DDX18: variants seen among roughly 807,000 people sequenced by gnomAD.
The protein encoded by DDX18 is ATP-dependent RNA helicase DDX18.
Under a neutral mutation model 73.5 loss-of-function variants are expected in DDX18, and 23 were observed. The observed-to-expected ratio is 0.31, with a 90% CI of 0.23 to 0.44. The LOEUF (loss-of-function observed/expected upper bound fraction) is 0.44, where lower values mean the gene tolerates loss of function less well. Among genes scored for constraint, DDX18 ranks in the 20% least tolerant of loss-of-function variants. DDX18 has a pLI of 1.00. For missense variants in DDX18, 753 were observed against 792.9 expected, an observed-to-expected ratio of 0.95 and a Z score of 0.60; for synonymous variants, 268 against 282.7, an observed-to-expected ratio of 0.95 and a Z score of 0.52.
chr2:117,828,941 A>C lies in DDX18; in HGVS notation c.1636-8A>C. ...TGGTTTACTAATCTTAATACTTTTG[A>C]TTTCTAGGTTCCATTAAGTGAATTT... On this transcript the variant is annotated splice_region_variant and splice_polypyrimidine_tract_variant and intron_variant, in intron 11 of 13. Transcript: ENST00000263239. 1 of 1,589,392 alleles carries C rather than the reference A, an allele frequency of 6.3e-7. No homozygotes were observed. The highest frequency in any genetic ancestry group is 1.7e-4 in the Middle Eastern group (1 of 6,018).
chr2:117,830,782 T>C lies in DDX18; in HGVS notation c.*58T>C. 4 of 1,591,892 alleles carry C rather than the reference T, an allele frequency of 2.5e-6. No homozygotes were observed. The highest frequency in any genetic ancestry group is 3.4e-6 in the Non-Finnish European group (4 of 1,172,018). ...GTCCTAAAATGAATTTTTTTTCCCCTTGATTTAACAGGATTTTTGTAGACT... is the reference window on the plus strand; with the variant it reads ...GTCCTAAAATGAATTTTTTTTCCCCCTGATTTAACAGGATTTTTGTAGACT... On this transcript the variant is annotated 3_prime_UTR_variant, in exon 14 of 14. Coordinates refer to ENST00000263239, the MANE Select transcript of DDX18 (RefSeq NM_006773.4).
At chr2:117,825,225 A>G (rs1679905042) in intron 9 of DDX18, 124 bp downstream of exon 9, 37 of 1,331,718 alleles carry the variant, frequency 2.8e-5, no homozygotes, top group Non-Finnish European at 3.4e-5. Context: ...CCACTAGATG[A>G]TGGATCCTGT....
chr2:117,822,515 C>T, intron 7 of DDX18: 1 of 369,398 alleles, frequency 2.7e-6, no homozygotes, highest in Non-Finnish European at 5.1e-6. Flanking sequence ...ACCTCTTGCC[C>T]ATTCTTACCT....
At chr2:117,818,518 A>G (rs969042176) in intron 2 of DDX18, among the ~76,000 whole-genome samples, 2 of 152,212 alleles carry the variant, frequency 1.3e-5, no homozygotes, top group South Asian at 2.1e-4. Context: ...AACATGCATT[A>G]CTGTCTTCAT....
intron 2 of DDX18, among the ~76,000 whole-genome samples, chr2:117,818,755 C>T (rs1679799805): frequency 6.6e-6 from 1 of 152,138 alleles, no homozygotes; most frequent in African/African-American, 2.4e-5. Context: ...CTCCTGGGCT[C>T]AAGTGATCCT....
chr2:117,826,178 G>A (rs1476056171), intron 10 of DDX18, 91 bp from the exon 11 acceptor site: 3 of 1,043,948 alleles, frequency 2.9e-6, no homozygotes, highest in Admixed American at 2.1e-5. Flanking sequence ...CACCATCTCA[G>A]TACAGACATG....
In DDX18 at chr2:117,824,552, A is replaced by T; in HGVS notation, c.1067-17A>T. On this transcript the variant is annotated splice_polypyrimidine_tract_variant and intron_variant, in intron 7 of 13. Transcript: ENST00000263239. The stretch of plus-strand genomic sequence containing the variant: ...TCCCTAAAAGATTGGGGTTATTTTT[A>T]TATGTATCTGTTTCAGCACGTAGAC... The T allele has an allele frequency of 1.5e-6, 2 of 1,357,398 alleles. No homozygotes were observed. Among genetic ancestry groups the T allele is most frequent in the South Asian group, 2.4e-5 (1 of 41,462 alleles). 84.1% of individuals were successfully genotyped at this position (1,357,398 alleles called of 1,614,324 possible).
chr2:117,831,334 G>C lies in DDX18; in HGVS notation c.*610G>C, dbSNP rs1680021205. On this transcript the variant is annotated 3_prime_UTR_variant, in exon 14 of 14. Transcript: ENST00000263239. Reference sequence around the variant, plus strand: ...TTAAAGCAACAGGCCTTTCTCAGGTGTTGCATTTTTTGGAGCAAAAACTAT... The same window carrying C: ...TTAAAGCAACAGGCCTTTCTCAGGTCTTGCATTTTTTGGAGCAAAAACTAT... 6.6e-6 allele frequency: 1 copy of C among 152,200 alleles called. No homozygotes were observed. The highest frequency in any genetic ancestry group is 2.4e-5 in the African/African-American group (1 of 41,442). 9.4% of individuals were successfully genotyped at this position (152,200 alleles called of 1,614,324 possible).
chr2:117,829,150 C>A, intron 12 of DDX18, 139 bp from the exon 13 acceptor site: 2 of 1,141,426 alleles, frequency 1.8e-6, no homozygotes, highest in Non-Finnish European at 1.2e-6. Flanking sequence ...AGGTTTCTTG[C>A]TATTCTAGTT....
In DDX18 at chr2:117,830,813, A is replaced by G; in HGVS notation, c.*89A>G. The G allele has an allele frequency of 6.6e-7, 1 of 1,517,402 alleles. No homozygotes were observed. The highest frequency in any genetic ancestry group is 9.0e-7 in the Non-Finnish European group (1 of 1,109,858). 94.0% of individuals were successfully genotyped at this position (1,517,402 alleles called of 1,614,324 possible). A position where few individuals can be genotyped will look rare whatever the true frequency, so the allele number is the denominator to read the frequency against. Reference sequence around the variant, plus strand: ...TAACAGGATTTTTGTAGACTTTAGAATTTGGACTTACCTAACAAGAGTATA... The same window carrying G: ...TAACAGGATTTTTGTAGACTTTAGAGTTTGGACTTACCTAACAAGAGTATA... On this transcript the variant is annotated 3_prime_UTR_variant, in exon 14 of 14. Coordinates refer to ENST00000263239, the MANE Select transcript of DDX18 (RefSeq NM_006773.4).
intron 11 of DDX18, chr2:117,828,067 CTGATGGCCAGTGA>C (rs1302525993): frequency 6.6e-6 from 1 of 152,186 alleles, no homozygotes; most frequent in African/African-American, 2.4e-5. Context: ...TTGGATTTCT[CTGATGGCCAGTGA>C]TGATGAGCAT....
rs1000632763 is a variant in DDX18 at position 117,814,725 on chromosome 2, G to C, written c.-53G>C. 6.3e-7 allele frequency: 1 copy of C among 1,581,720 alleles called. No individual in the cohort carries two copies. Among genetic ancestry groups the C allele is most frequent in the Non-Finnish European group, 8.7e-7 (1 of 1,152,924 alleles). ...CGGAAGGGAAGTAACGTCAGCCTGA[G>C]AACTGAGTAGCTGTACTGTGTGGCG... On this transcript the variant is annotated 5_prime_UTR_variant, in exon 1 of 14. Transcript: ENST00000263239.
At position 117,814,718 on chromosome 2, in the gene DDX18, A is replaced by G. The variant is rs1389144101; in HGVS notation, c.-60A>G. The G allele has an allele frequency of 1.0e-5, 16 of 1,545,314 alleles. No individual in the cohort carries two copies. The highest frequency in any genetic ancestry group is 2.3e-5 in the East Asian group (1 of 42,832). ...GTGCGGCCGGAAGGGAAGTAACGTC[A>G]GCCTGAGAACTGAGTAGCTGTACTG... On this transcript the variant is annotated 5_prime_UTR_variant, in exon 1 of 14. Transcript: ENST00000263239.
chr2:117,828,763 C>T (rs1679974271), intron 11 of DDX18, 186 bp from the exon 12 acceptor site: 3 of 570,974 alleles, frequency 5.3e-6, no homozygotes, highest in South Asian at 2.2e-5. Context: ...GAAAGAAGTG[C>T]AGATTGCCTA....
Position 117,814,745 on chromosome 2 carries a change from G to A in DDX18, c.-33G>A, listed in dbSNP as rs150506625. ...CCTGAGAACTGAGTAGCTGTACTGT[G>A]TGGCGCCTTATTCTAGGCACTTGTT... is the stretch of plus-strand genomic sequence containing the variant. On this transcript the variant is annotated 5_prime_UTR_variant, in exon 1 of 14. It adds an upstream start codon to the 5' untranslated region. Transcript: ENST00000263239. 129 of 1,610,096 alleles carry A rather than the reference G, an allele frequency of 8.0e-5. No individual in the cohort carries two copies. In the African/African-American group the frequency reaches 1.4e-3, roughly 17 times the overall value.
chr2:117,821,743 C>T lies in DDX18; in HGVS notation c.744C>T (p.Pro248=). ...VELIVKLRFM[P]RNGTGVLILS... is the part of the protein sequence containing the mutation. ...TCATTGTTAAGTTAAGGTTCATGCC[C>T]AGGAATGGTAAGCGTTCATCTGCTT... The change falls in exon 5 of 14, where the codon CCC becomes CCT. Residue 248 remains proline (P), a synonymous_variant. Coordinates refer to ENST00000263239, the MANE Select transcript of DDX18 (RefSeq NM_006773.4). The T allele has an allele frequency of 6.2e-7, 1 of 1,613,952 alleles. No homozygotes were observed. Among genetic ancestry groups the T allele is most frequent in the Non-Finnish European group, 8.5e-7 (1 of 1,179,922 alleles).
chr2:117,822,114 C>T, intron 6 of DDX18, 33 bp from the exon 7 acceptor site: 1 of 1,613,596 alleles, frequency 6.2e-7, no homozygotes, highest in Non-Finnish European at 8.5e-7. Context: ...AAACTGACAA[C>T]TAATGGTTGT....
intron 11 of DDX18, 85 bp downstream of exon 11, chr2:117,826,467 G>C: frequency 7.8e-7 from 1 of 1,274,724 alleles, no homozygotes; most frequent in Middle Eastern, 1.8e-4. Context: ...GAGGAGTCTC[G>C]AGTCTGGCCA....
In DDX18 at chr2:117,830,624, G is replaced by T. The variant is rs1209342589; in HGVS notation, c.1913G>T (p.Gly638Val). The change falls in exon 14 of 14, where the codon GGT becomes GTT. Residue 638 changes from glycine to valine, a missense_variant. Gly to Val is a moderately radical substitution (Grantham distance 109). Coordinates refer to ENST00000263239, the MANE Select transcript of DDX18 (RefSeq NM_006773.4). ...NEGKQKKRGG[G>V]GGFGYQKTKK... ...GGCAAGCAGAAAAAGCGAGGAGGTGGTGGTGGATTTGGCTACCAGAAAACC... is the reference window on the plus strand; with the variant it reads ...GGCAAGCAGAAAAAGCGAGGAGGTGTTGGTGGATTTGGCTACCAGAAAACC... The T allele has an allele frequency of 1.2e-6, 2 of 1,613,856 alleles. No individual in the cohort carries two copies.
Sources: allele counts gnomAD v4.1 joint callset (sites outside exome capture counted in the v4.1 genomes callset), GRCh38; gene constraint gnomAD v4.1.1; transcripts MANE v1.5; gene names NCBI Gene and HGNC (gene_info 2026-07-23, HGNC 2026-07-21).